The following ADGRV1 variants were observed in gnomAD, a reference collection of about 807,000 sequenced individuals.
ADGRV1 encodes adhesion G protein-coupled receptor V1.
ADGRV1 carries 359 observed loss-of-function variants against 596.2 expected under a neutral mutation model. The ratio of observed to expected loss-of-function variants is 0.60; its 90% confidence interval spans 0.55 to 0.66. The LOEUF (loss-of-function observed/expected upper bound fraction) is 0.66, where lower values mean the gene tolerates loss of function less well. Among genes scored for constraint, ADGRV1 ranks in the 30% least tolerant of loss-of-function variants. ADGRV1 has a pLI of 0.00. For missense variants in ADGRV1, 7,274 were observed against 7,575.6 expected (o/e 0.96, Z 1.48); for synonymous variants, 2,681 against 2,679.2 (o/e 1.00, Z -0.02).
At chr5:90,687,213 T>G (rs1399457496) in intron 29 of ADGRV1, among the ~76,000 whole-genome samples, 2 of 152,206 alleles carry the variant, frequency 1.3e-5, no homozygotes, top group East Asian at 3.8e-4. Context: ...CTCTTTAGTT[T>G]AATTAGATCC....
chr5:90,855,843 T>C lies in ADGRV1; in HGVS notation c.17697T>C (p.Thr5899=). The C allele has an allele frequency of 6.2e-7, 1 of 1,613,154 alleles. No homozygotes were observed. The highest frequency in any genetic ancestry group is 8.5e-7 in the Non-Finnish European group (1 of 1,179,206). ...HMSVYAVYAR[T]DNLSSYNEAF... ...CTGTGTATGCTGTCTATGCTCGGAC[T>C]GACAACTTGTCTTCATACAATGAAG... Residue 5899 remains threonine (T), a synonymous_variant, in exon 82 of 90, where the codon ACT becomes ACC. Coordinates refer to ENST00000405460, the MANE Select transcript of ADGRV1 (RefSeq NM_032119.4).
In ADGRV1 at chr5:90,708,914, G is replaced by A. The variant is rs745985758; in HGVS notation, c.8824+5G>A. The A allele has an allele frequency of 1.3e-6, 2 of 1,594,422 alleles. No homozygotes were observed. The highest frequency in any genetic ancestry group is 1.7e-5 in the Admixed American group (1 of 59,840). ...CTTCATTTCCTCCCAGACTAGGTATGAGGGGTTTCTTGTTTGTTTCTTTTT... is the reference window on the plus strand; with the variant it reads ...CTTCATTTCCTCCCAGACTAGGTATAAGGGGTTTCTTGTTTGTTTCTTTTT... On this transcript the variant is annotated splice_donor_5th_base_variant and intron_variant, in intron 39 of 89. Coordinates refer to ENST00000405460, the MANE Select transcript of ADGRV1 (RefSeq NM_032119.4).
At chr5:91,092,488 ACTC>A (rs1199361891) in intron 86 of ADGRV1, 1 of 152,176 alleles carries the variant, frequency 6.6e-6, no homozygotes, top group Non-Finnish European at 1.5e-5. Flanking sequence ...TGAAAACAAT[ACTC>A]CTCAAAGTCT....
chr5:90,689,112 G>C (rs1407963683), intron 29 of ADGRV1, among the ~76,000 whole-genome samples: 1 of 152,088 alleles, frequency 6.6e-6, no homozygotes, highest in East Asian at 1.9e-4. Context: ...GGGATACTGT[G>C]CTTGATTTAA....
chr5:90,801,317 A>G (rs892666303), intron 70 of ADGRV1, among the ~76,000 whole-genome samples: 1 of 152,140 alleles, frequency 6.6e-6, no homozygotes, highest in African/African-American at 2.4e-5. Context: ...CATCATACAA[A>G]TCTGTGTGTA....
Position 90,627,714 on chromosome 5 carries a change from C to T in ADGRV1, c.1176C>T (p.Val392=), listed in dbSNP as rs891607134. ...AGCCAAATGATAAACCTTATGGAGTCCTTTCATTCAACAGTGTTTTGTTTG... is the reference window on the plus strand; with the variant it reads ...AGCCAAATGATAAACCTTATGGAGTTCTTTCATTCAACAGTGTTTTGTTTG... The part of the protein sequence containing the change: ...TIKPNDKPYG[V]LSFNSVLFER... Residue 392 remains valine (V), a synonymous_variant, in exon 7 of 90, where the codon GTC becomes GTT. Coordinates refer to ENST00000405460, the MANE Select transcript of ADGRV1 (RefSeq NM_032119.4). 6.2e-7 allele frequency: 1 copy of T among 1,602,070 alleles called. No homozygotes were observed. The highest frequency in any genetic ancestry group is 1.3e-5 in the African/African-American group (1 of 74,470).
At chr5:90,785,278 G>A (rs986605029) in intron 67 of ADGRV1, among the ~76,000 whole-genome samples, 1 of 152,180 alleles carries the variant, frequency 6.6e-6, no homozygotes, top group African/African-American at 2.4e-5. Context: ...AGACTTAAAT[G>A]TTAGACCTAA....
intron 1 of ADGRV1, 80 bp downstream of exon 1, chr5:90,558,997 A>G (rs893529649): frequency 1.5e-6 from 2 of 1,301,454 alleles, no homozygotes; most frequent in African/African-American, 1.5e-5. Context: ...CTGTTGCTGC[A>G]GGTGGGCGGC....
chr5:90,599,314 C>T (rs1761108358), intron 1 of ADGRV1, among the ~76,000 whole-genome samples: 1 of 152,068 alleles, frequency 6.6e-6, no homozygotes, highest in African/African-American at 2.4e-5. Context: ...AGCTCTCACC[C>T]ATCTAAATGA....
rs555425110 is a variant in ADGRV1 at position 90,761,839 on chromosome 5, A to G, written c.12121-1466A>G. On this transcript the variant is annotated intron_variant, in intron 58 of 89. Transcript: ENST00000405460. ...GATTGTTGATGATAATAGTAGCTGC[A>G]TGATGCTCAGCCCTTTGTGACTTTT... 2.6e-5 allele frequency among the ~76,000 whole-genome samples: 4 copies of G among 152,336 alleles called. No homozygotes were observed. The South Asian group carries it at 8.3e-4, about 32-fold the overall frequency.
intron 83 of ADGRV1, among the ~76,000 whole-genome samples, chr5:90,869,164 G>A (rs1176827249): frequency 2.0e-5 from 3 of 152,132 alleles, no homozygotes; most frequent in African/African-American, 7.2e-5. Flanking sequence ...ACCCCAGTTT[G>A]CAAAGTCTCT....
rs567174114 is a variant in ADGRV1, at chr5:90,811,362, T to C, written c.16078+24T>C. The C allele has an allele frequency of 2.6e-6, 4 of 1,535,768 alleles. No individual in the cohort carries two copies. The South Asian group carries it at 5.1e-5, about 20-fold the overall frequency. On this transcript the variant is annotated intron_variant, in intron 74 of 89. Transcript: ENST00000405460. ...AGGTATATCTTTGAAATGATGGAGA[T>C]AAAAATATACTTTTATGGTACATAA... is the stretch of plus-strand genomic sequence containing the variant.
Position 90,613,372 on chromosome 5 carries a change from C to T in ADGRV1, c.23-1463C>T, listed in dbSNP as rs573604608. ...CTGGCTTTAGAATTCCATAAAAGAC[C>T]TTCACCTGGCTTTGGTTTAGCTCAG... On this transcript the variant is annotated intron_variant, in intron 1 of 89. Transcript: ENST00000405460. Among the ~76,000 whole-genome samples the T allele has an allele frequency of 8.5e-5, 13 of 152,162 alleles. No individual in the cohort carries two copies. In the South Asian group the frequency reaches 2.7e-3, roughly 32 times the overall value.
intron 70 of ADGRV1, among the ~76,000 whole-genome samples, chr5:90,795,159 C>A (rs2150151131): frequency 6.7e-6 from 1 of 148,814 alleles, no homozygotes; most frequent in East Asian, 2.2e-4. Context: ...ACCGTTCACT[C>A]CCCTGGAGAG....
chr5:90,757,692 A>G (rs1414522362), intron 57 of ADGRV1, among the ~76,000 whole-genome samples: 20 of 152,224 alleles, frequency 1.3e-4, no homozygotes, highest in Admixed American at 1.3e-3. Flanking sequence ...GATTTAGGCT[A>G]ACCAGTCTTA....
rs1196228924 is a variant in ADGRV1 at position 90,672,623 on chromosome 5, C to T, written c.4830C>T (p.Tyr1610=). ...CTCTGGATTATGTGCATGTTTTTTA[C>T]ACCATTTCACAGATTGAAACTGATG... ...RGALDYVHVF[Y]TISQIETDGI... is the part of the protein sequence containing the mutation. Residue 1610 remains tyrosine, a synonymous_variant, in exon 22 of 90, where the codon TAC becomes TAT. Coordinates refer to ENST00000405460, the MANE Select transcript of ADGRV1 (RefSeq NM_032119.4). 9.9e-6 allele frequency: 16 copies of T among 1,613,468 alleles called. No individual in the cohort carries two copies. The highest frequency in any genetic ancestry group is 1.4e-5 in the Non-Finnish European group (16 of 1,179,570).
intron 89 of ADGRV1, among the ~76,000 whole-genome samples, chr5:91,162,553 T>C (rs181152928): frequency 6.6e-6 from 1 of 152,078 alleles, no homozygotes; most frequent in Admixed American, 6.5e-5. Flanking sequence ...CCTCCAGAAA[T>C]GAGGCAGCAG....
intron 83 of ADGRV1, among the ~76,000 whole-genome samples, chr5:90,904,601 T>C (rs1317691338): frequency 6.6e-6 from 1 of 151,884 alleles, no homozygotes; most frequent in Non-Finnish European, 1.5e-5. Context: ...CAATATTTTT[T>C]TTTCTAGAGA....
chr5:90,802,914 G>A, intron 71 of ADGRV1, 32 bp downstream of exon 71: 1 of 1,568,980 alleles, frequency 6.4e-7, no homozygotes, highest in East Asian at 2.3e-5. Context: ...TCTCTCAGCA[G>A]AACACTAGAG....
Sources: allele counts gnomAD v4.1 joint callset (sites outside exome capture counted in the v4.1 genomes callset), GRCh38; gene constraint gnomAD v4.1.1; transcripts MANE v1.5; gene names NCBI Gene and HGNC (gene_info 2026-07-23, HGNC 2026-07-21).